The following MTAP variants were observed in gnomAD, a reference collection of about 807,000 sequenced individuals.
MTAP encodes S-methyl-5'-thioadenosine phosphorylase.
Under a neutral mutation model 33.6 loss-of-function variants are expected in MTAP, and 33 were observed. That is an observed-to-expected ratio of 0.98 (90% CI 0.74 to 1.31). The LOEUF (loss-of-function observed/expected upper bound fraction) is 1.31, where lower values mean the gene tolerates loss of function less well. Among genes scored for constraint, MTAP ranks in the 40% most tolerant of loss-of-function variants. The probability of loss-of-function intolerance (pLI) is 0.00; values close to 1 mark genes in which losing one functional copy is unlikely to be tolerated. For synonymous variants in MTAP, 148 were observed against 125.7 expected, an observed-to-expected ratio of 1.18 and a Z score of -1.19; for missense variants, 367 against 360.0, an observed-to-expected ratio of 1.02 and a Z score of -0.16.
chr9:21,897,888 G>C (rs1266352498), intron 1 of MTAP, among the ~76,000 whole-genome samples: 1 of 152,066 alleles, frequency 6.6e-6, no homozygotes, highest in Non-Finnish European at 1.5e-5. Context: ...CTACTTTAAA[G>C]GTCATATGGA....
rs1389839031 is a variant in MTAP, at chr9:21,866,725, A to G, written c.*4711A>G. On this transcript the variant is annotated 3_prime_UTR_variant, in exon 8 of 8. Coordinates refer to ENST00000644715, the MANE Select transcript of MTAP (RefSeq NM_002451.4). ...TTTTGGCTATAGGTCCTTTCTTTAT[A>G]AAGTTTATATTAAGCTTCTCCATTT... is the stretch of plus-strand genomic sequence containing the variant. The G allele has an allele frequency of 6.6e-6, 1 of 152,108 alleles. No homozygotes were observed. The highest frequency in any genetic ancestry group is 2.4e-5 in the African/African-American group (1 of 41,438). 9.4% of individuals were successfully genotyped at this position (152,108 alleles called of 1,614,324 possible). A position where few individuals can be genotyped will look rare whatever the true frequency, so the allele number is the denominator to read the frequency against.
rs964502322 is a variant in MTAP at position 21,854,823 on chromosome 9, A to G, written c.643A>G (p.Ile215Val). Residue 215 changes from isoleucine (I) to valine (V), a missense_variant, in exon 6 of 8, where the codon ATC becomes GTC. By Grantham distance (29) the Ile-to-Val change is conservative (BLOSUM62 3). Transcript: ENST00000644715. The part of the protein sequence containing the change: ...AKEAGICYAS[I>V]AMATDYDCWK... Reference sequence around the variant, plus strand: ...GGAGGCTGGAATTTGTTACGCAAGTATCGCCATGGCGACAGATTATGACTG... The same window carrying G: ...GGAGGCTGGAATTTGTTACGCAAGTGTCGCCATGGCGACAGATTATGACTG... The G allele has an allele frequency of 6.2e-7, 1 of 1,614,182 alleles. No homozygotes were observed. The highest frequency in any genetic ancestry group is 8.5e-7 in the Non-Finnish European group (1 of 1,179,996).
intron 1 of MTAP, among the ~76,000 whole-genome samples, chr9:21,924,602 G>C (rs989468227): frequency 3.9e-5 from 6 of 152,214 alleles, no homozygotes; most frequent in Non-Finnish European, 8.8e-5. Flanking sequence ...GCCCCATCTG[G>C]TTGGTTCGGG....
intron 4 of MTAP, among the ~76,000 whole-genome samples, chr9:21,822,880 T>C (rs560953256): frequency 2.0e-5 from 3 of 152,358 alleles, no homozygotes; most frequent in African/African-American, 7.2e-5. Flanking sequence ...TACCATTATG[T>C]AATGGCCTTC....
chr9:21,929,310 TA>T, intron 1 of MTAP: 1 of 156,014 alleles, frequency 6.4e-6, no homozygotes. Context: ...CACCTCAAAG[TA>T]AGGTGATCCT....
At chr9:21,844,871 A>G (rs1339526284) in intron 5 of MTAP, among the ~76,000 whole-genome samples, 1 of 152,130 alleles carries the variant, frequency 6.6e-6, no homozygotes, top group Non-Finnish European at 1.5e-5. Flanking sequence ...CTCTACTAAA[A>G]ATACAAAAAA....
intron 1 of MTAP, among the ~76,000 whole-genome samples, chr9:21,914,834 A>G (rs978206899): frequency 6.6e-6 from 1 of 151,400 alleles, no homozygotes; most frequent in African/African-American, 2.4e-5. Flanking sequence ...TATAGATAAT[A>G]TGGTAAATAA....
At chr9:21,885,395 A>T (rs1818092267) in intron 1 of MTAP, among the ~76,000 whole-genome samples, 1 of 152,134 alleles carries the variant, frequency 6.6e-6, no homozygotes, top group African/African-American at 2.4e-5. Context: ...CAAGATTCTG[A>T]TTCAGTAGGT....
chr9:21,804,609 G>A (rs375199331), intron 1 of MTAP, among the ~76,000 whole-genome samples: 2 of 152,144 alleles, frequency 1.3e-5, no homozygotes, highest in South Asian at 2.1e-4. Context: ...TGCCAGCACC[G>A]TATTCCCCAG....
chr9:21,884,945 A>G (rs1432792311), intron 1 of MTAP, among the ~76,000 whole-genome samples: 4 of 152,180 alleles, frequency 2.6e-5, no homozygotes, highest in African/African-American at 9.7e-5. Context: ...AACCACTACC[A>G]TAAAATTCAG....
chr9:21,919,812 G>A (rs1818758905), intron 1 of MTAP, among the ~76,000 whole-genome samples: 1 of 152,038 alleles, frequency 6.6e-6, no homozygotes, highest in African/African-American at 2.4e-5. Context: ...ATAAGCCAGA[G>A]AATGTTCATC....
chr9:21,855,545 G>A (rs1825621966), intron 6 of MTAP, among the ~76,000 whole-genome samples: 2 of 152,140 alleles, frequency 1.3e-5, no homozygotes, highest in African/African-American at 4.8e-5. Flanking sequence ...GGGAGACTGG[G>A]GAGAAGGGAG....
At position 21,802,646 on chromosome 9, in the gene MTAP, C is replaced by G. The variant is rs147996634; in HGVS notation, c.-103C>G. The G allele has an allele frequency of 9.4e-4, 1,276 of 1,356,514 alleles. 12 individuals are homozygous for G. In the African/African-American group the frequency reaches 0.016, roughly 17 times the overall value. The allele number at this position is 1,356,514 out of a possible 1,614,324, so 84.0% of individuals were successfully genotyped here. On this transcript the variant is annotated 5_prime_UTR_variant, in exon 1 of 8. Transcript: ENST00000644715. ...AGGCCCGCCCCTGGTCTCCGCACTG[C>G]TCACTCCCGCGCAGTGAGGTTGGCA...
chr9:21,915,107 G>A (rs1006462240), intron 1 of MTAP, among the ~76,000 whole-genome samples: 2 of 130,064 alleles, frequency 1.5e-5, no homozygotes, highest in African/African-American at 6.3e-5. Context: ...TCTTTCGGCA[G>A]AGTCTTGCCC....
rs79091880 is a variant in MTAP, at chr9:21,846,468, T to A, written c.451-8163T>A. Among the ~76,000 whole-genome samples the A allele has an allele frequency of 5.8e-3, 874 of 149,836 alleles. 11 individuals carry two copies. Among genetic ancestry groups the A allele is most frequent in the African/African-American group, 0.02 (838 of 40,928 alleles). On this transcript the variant is annotated intron_variant, in intron 5 of 7. Transcript: ENST00000644715. ...ATGAATAGACAATTTTCAAAACACA[T>A]GGCCAACACACATGAAAAAATGCTC...
chr9:21,862,275 C>A lies in MTAP; in HGVS notation c.*261C>A. On this transcript the variant is annotated 3_prime_UTR_variant, in exon 8 of 8. Coordinates refer to ENST00000644715, the MANE Select transcript of MTAP (RefSeq NM_002451.4). ...ACATTTTAAGGGGGAAAAAAAAACC[C>A]ACCATTCTCTTCTCCCCCTATTAAA... The A allele has an allele frequency of 2.7e-6, 2 of 748,342 alleles. No homozygotes were observed. Among genetic ancestry groups the A allele is most frequent in the African/African-American group, 1.9e-5 (1 of 53,852 alleles). 46.4% of individuals were successfully genotyped at this position (748,342 alleles called of 1,614,324 possible). A position where few individuals can be genotyped will look rare whatever the true frequency, so the allele number is the denominator to read the frequency against.
In MTAP at chr9:21,866,995, A is replaced by G. The variant is rs554186007; in HGVS notation, c.*4981A>G. The G allele has an allele frequency of 1.3e-5, 2 of 152,164 alleles. No individual in the cohort carries two copies. The highest frequency in any genetic ancestry group is 3.9e-4 in the East Asian group (2 of 5,178). The allele number at this position is 152,164 out of a possible 1,614,324, so 9.4% of individuals were successfully genotyped here. A position where few individuals can be genotyped will look rare whatever the true frequency, so the allele number is the denominator to read the frequency against. ...AAATAGTACTTTAATTTCATTTTTA[A>G]GTTTATTGCTGGTATACAGAAATAT... On this transcript the variant is annotated 3_prime_UTR_variant, in exon 8 of 8. Coordinates refer to ENST00000644715, the MANE Select transcript of MTAP (RefSeq NM_002451.4).
intron 1 of MTAP, among the ~76,000 whole-genome samples, chr9:21,882,120 G>T (rs182509171): frequency 6.6e-6 from 1 of 151,882 alleles, no homozygotes; most frequent in East Asian, 1.9e-4. Context: ...CCTTAAAAAG[G>T]ATTTCCTTCC....
At chr9:21,909,720 A>G (rs978400625) in intron 1 of MTAP, among the ~76,000 whole-genome samples, 3 of 152,180 alleles carry the variant, frequency 2.0e-5, no homozygotes, top group African/African-American at 4.8e-5. Flanking sequence ...AATAGCTAAC[A>G]TTCATTTAAC....
Sources: gnomAD v4.1 joint callset for allele counts (sites outside exome capture counted in the v4.1 genomes callset) on GRCh38, gnomAD v4.1.1 for gene constraint, MANE v1.5 for transcripts, NCBI Gene and HGNC (gene_info 2026-07-23, HGNC 2026-07-21) for gene names.